Variants in MROH1 observed in about 807,000 individuals in gnomAD.
MROH1 encodes the protein maestro heat like repeat family member 1.
A neutral mutation model predicts 116.5 loss-of-function variants in MROH1; 117 were observed. The observed-to-expected ratio is 1.00, with a 90% confidence interval of 0.86 to 1.17. The LOEUF (loss-of-function observed/expected upper bound fraction) is 1.17. MROH1 is among the 50% of genes most tolerant of loss of function. The pLI is 0.00. For missense variants in MROH1, 1,873 were observed against 1,338.5 expected (o/e 1.40, Z -6.23); for synonymous variants, 921 against 583.9 (o/e 1.58, Z -8.32).
intron 1 of MROH1, among the ~76,000 whole-genome samples, chr8:144,151,101 C>T (rs1214033514): frequency 1.3e-5 from 2 of 151,650 alleles, no homozygotes; most frequent in African/African-American, 2.4e-5. Flanking sequence ...TACAAAAATT[C>T]GTCGAGTGTG....
At chr8:144,157,524 A>G (rs1818444097) in intron 1 of MROH1, among the ~76,000 whole-genome samples, 1 of 150,234 alleles carries the variant, frequency 6.7e-6, no homozygotes, top group African/African-American at 2.5e-5. Flanking sequence ...TCCCCAGGGA[A>G]ACCATCTAGG....
intron 12 of MROH1, 38 bp downstream of exon 12, chr8:144,200,579 C>T (rs760165794): frequency 1.3e-5 from 18 of 1,428,074 alleles, no homozygotes; most frequent in Non-Finnish European, 1.4e-5. Flanking sequence ...CCACCCCTGG[C>T]CATGTCCAGG....
At chr8:144,192,671 G>A in intron 10 of MROH1, 1 of 631,622 alleles carries the variant, frequency 1.6e-6, no homozygotes, top group Non-Finnish European at 2.9e-6. Context: ...GCCCAGTACA[G>A]GTGGTCCCAG....
chr8:144,169,534 G>C (rs1467507537), intron 4 of MROH1, among the ~76,000 whole-genome samples: 29 of 143,920 alleles, frequency 2.0e-4, no homozygotes, highest in African/African-American at 2.8e-4. Flanking sequence ...TCACTGCAAC[G>C]TCCACCTCCC....
Position 144,180,354 on chromosome 8 carries a change from G to A in MROH1, c.463+14G>A, listed in dbSNP as rs765542909. 21 of 1,607,122 alleles carry A rather than the reference G, an allele frequency of 1.3e-5. No homozygotes were observed. Among genetic ancestry groups the A allele is most frequent in the Admixed American group, 6.7e-5 (4 of 59,734 alleles). On this transcript the variant is annotated intron_variant, in intron 6 of 43. Transcript: ENST00000326134. The surrounding 1 kb of genome is among the most constrained non-coding windows in gnomAD (Gnocchi z 7.4). Reference sequence around the variant, plus strand: ...CGGTGGCCAACGGTAGGTGACGCGCGGCCTGCCCCAGGAGGAGCACGGGGC... The same window carrying A: ...CGGTGGCCAACGGTAGGTGACGCGCAGCCTGCCCCAGGAGGAGCACGGGGC...
intron 4 of MROH1, 147 bp from the exon 5 acceptor site, chr8:144,179,308 G>A (rs1028358579): frequency 3.0e-5 from 36 of 1,190,058 alleles, no homozygotes; most frequent in African/African-American, 1.5e-4. Flanking sequence ...CTTTTAGGGC[G>A]TGAGGAGTGA....
At chr8:144,194,622 A>G (rs912635932) in intron 10 of MROH1, among the ~76,000 whole-genome samples, 1 of 152,196 alleles carries the variant, frequency 6.6e-6, no homozygotes, top group African/African-American at 2.4e-5. Context: ...AGGACTAATC[A>G]GAAGTTCCTG....
intron 12 of MROH1, among the ~76,000 whole-genome samples, chr8:144,206,838 G>T (rs1832928430): frequency 6.6e-6 from 1 of 150,546 alleles, no homozygotes; most frequent in Admixed American, 6.6e-5. Context: ...TTTGAGACTA[G>T]CCTGGCCAAC....
chr8:144,209,017 C>T (rs1278501256), intron 12 of MROH1, among the ~76,000 whole-genome samples: 2 of 147,334 alleles, frequency 1.4e-5, no homozygotes, highest in Admixed American at 1.3e-4. Flanking sequence ...AGCCAATGCA[C>T]TCGGCCATTT....
At chr8:144,228,303 G>A (rs1020210028) in intron 14 of MROH1, among the ~76,000 whole-genome samples, 1 of 152,194 alleles carries the variant, frequency 6.6e-6, no homozygotes, top group Admixed American at 6.5e-5. Context: ...AAAAAGCAAT[G>A]TACATGCCTT....
chr8:144,175,450 C>G, intron 4 of MROH1: 1 of 973,980 alleles, frequency 1.0e-6, no homozygotes. Flanking sequence ...TAGATAGAAC[C>G]AGACCAATTT....
intron 11 of MROH1, among the ~76,000 whole-genome samples, chr8:144,199,809 CTACCCT>C (rs1394964261): frequency 6.6e-6 from 1 of 152,210 alleles, no homozygotes; most frequent in Non-Finnish European, 1.5e-5. Context: ...ACATGAGCAT[CTACCCT>C]TACACAAGAT....
chr8:144,255,586 T>G lies in MROH1; in HGVS notation c.3672T>G (p.Phe1224Leu). ...TGCTCGAGCTCTACCCCCAGCTGTT[T>G]GTGGTGCTTCTGCTGCGCGTCAGCT... ...PAVLELYPQLFVVLLLRVSCT... is the reference protein window; with the variant it reads ...PAVLELYPQLLVVLLLRVSCT... The change falls in exon 35 of 44, where the codon TTT (phenylalanine) becomes TTG (leucine). Residue 1224 changes from phenylalanine (F) to leucine (L), a missense_variant. By Grantham distance (22) the Phe-to-Leu change is conservative. Transcript: ENST00000326134. 1.3e-6 allele frequency: 1 copy of G among 779,308 alleles called. No homozygotes were observed. Among genetic ancestry groups the G allele is most frequent in the Middle Eastern group, 2.5e-4 (1 of 3,968 alleles). The allele number at this position is 779,308 out of a possible 1,614,324, so 48.3% of individuals were successfully genotyped here.
chr8:144,171,346 G>A lies in MROH1; in HGVS notation c.168+2906G>A, dbSNP rs370216840. Among the ~76,000 whole-genome samples the A allele has an allele frequency of 6.6e-5, 10 of 152,328 alleles. No homozygotes were observed. The East Asian group carries it at 7.7e-4, about 12-fold the overall frequency. On this transcript the variant is annotated intron_variant, in intron 4 of 43. Coordinates refer to ENST00000326134, the MANE Select transcript of MROH1 (RefSeq NM_032450.3). The stretch of plus-strand genomic sequence containing the variant: ...TGACACAGGCTGTGACGAAGGGTGC[G>A]GGTGCCCAGCAGGTGGAGGAGACGC...
In MROH1 at chr8:144,166,460, G is replaced by C. The variant is rs147855022; in HGVS notation, c.23-1835G>C. On this transcript the variant is annotated intron_variant, in intron 3 of 43. Coordinates refer to ENST00000326134, the MANE Select transcript of MROH1 (RefSeq NM_032450.3). The stretch of plus-strand genomic sequence containing the variant: ...TGGGGTCCGCTCGGGCTGCCCCCGC[G>C]TCCCCAGCTGAGGCTGTGGCTCCCT... 3.3e-5 allele frequency among the ~76,000 whole-genome samples: 5 copies of C among 152,164 alleles called. No homozygotes were observed. The South Asian group carries it at 1.0e-3, about 32-fold the overall frequency.
intron 1 of MROH1, among the ~76,000 whole-genome samples, chr8:144,159,115 T>C (rs1269051057): frequency 1.3e-5 from 2 of 152,100 alleles, no homozygotes; most frequent in Admixed American, 1.3e-4. Flanking sequence ...CCCAGCACTT[T>C]GGGAGGCTGA....
rs1162918463 is a variant in MROH1, at chr8:144,253,557, G to A, written c.3429-1256G>A. Among the ~76,000 whole-genome samples, 7 of 152,306 alleles carry A rather than the reference G, an allele frequency of 4.6e-5. No homozygotes were observed. The East Asian group carries it at 5.8e-4, about 13-fold the overall frequency. On this transcript the variant is annotated intron_variant, in intron 33 of 43. Transcript: ENST00000326134. ...CTGGCGCCTCAGCGACGGCCACCGC[G>A]TCCTTGCTGGCGCGTGCTGTGTGCC...
At chr8:144,177,964 C>CT (rs1587918423) in intron 4 of MROH1, among the ~76,000 whole-genome samples, 1 of 51,182 alleles carries the variant, frequency 2.0e-5, no homozygotes, top group South Asian at 1.7e-3. Context: ...GGTATTTCTT[C>CT]TTCTTTTTTT....
intron 4 of MROH1, among the ~76,000 whole-genome samples, chr8:144,170,440 C>T (rs116801634): frequency 0.039 from 5,981 of 152,266 alleles, 150 homozygotes; most frequent in African/African-American, 0.062. Context: ...CCCTAGTCCT[C>T]TTCTGTCGTC....
Sources: gnomAD v4.1 joint callset for allele counts (sites outside exome capture counted in the v4.1 genomes callset) on GRCh38, gnomAD v4.1.1 for gene constraint, Gnocchi (gnomAD v3.1) non-coding constraint, MANE v1.5 for transcripts, NCBI Gene and HGNC (gene_info 2026-07-23, HGNC 2026-07-21) for gene names.